The following SND1 variants were observed in gnomAD, a reference collection of about 807,000 sequenced individuals.
SND1 encodes staphylococcal nuclease and tudor domain containing 1, also known as staphylococcal nuclease domain-containing protein 1.
SND1 carries 38 observed loss-of-function variants against 121.7 expected under a neutral mutation model. The ratio of observed to expected loss-of-function variants is 0.31; its 90% CI spans 0.24 to 0.41. SND1 has a LOEUF of 0.41. Among genes scored for constraint, SND1 ranks in the 10% least tolerant of loss-of-function variants. The pLI is 1.00. For synonymous variants in SND1, 401 were observed against 447.4 expected (o/e 0.90, Z 1.31); for missense variants, 868 against 1,184.6 (o/e 0.73, Z 3.92).
chr7:127,706,825 C>CT (rs1486788034), intron 8 of SND1, among the ~76,000 whole-genome samples: 5 of 152,284 alleles, frequency 3.3e-5, no homozygotes, highest in Non-Finnish European at 5.9e-5. Flanking sequence ...CTACATCCTG[C>CT]TTTGTGTTTT....
chr7:127,954,269 T>A (rs1276712325), intron 15 of SND1, among the ~76,000 whole-genome samples: 2 of 152,226 alleles, frequency 1.3e-5, no homozygotes, highest in Non-Finnish European at 2.9e-5. Context: ...GGGTTTTGTA[T>A]GGAGATGCTG....
At chr7:128,030,667 C>T (rs1161149483) in intron 16 of SND1, 7 of 1,524,744 alleles carry the variant, frequency 4.6e-6, no homozygotes, top group East Asian at 4.6e-5. Context: ...AATTCACCAT[C>T]GCCTGGGATT....
At chr7:127,736,655 C>T (rs1399648638) in intron 10 of SND1, among the ~76,000 whole-genome samples, 2 of 152,174 alleles carry the variant, frequency 1.3e-5, no homozygotes, top group Non-Finnish European at 2.9e-5. Context: ...ATATTTAGTC[C>T]TGCTGGCAGT....
intron 10 of SND1, among the ~76,000 whole-genome samples, chr7:127,771,635 C>T (rs1302556388): frequency 2.6e-5 from 4 of 151,998 alleles, no homozygotes; most frequent in African/African-American, 9.7e-5. Context: ...TTAAAAAGCA[C>T]CCCCCTATAC....
At chr7:127,952,590 T>C (rs4731387) in intron 15 of SND1, among the ~76,000 whole-genome samples, 122,481 of 147,740 alleles carry the variant, frequency 0.83, 50,148 homozygotes, top group African/African-American at 0.91. Flanking sequence ...GTAGATCCGT[T>C]AGCCACTGAG....
chr7:127,710,145 G>T (rs557340159), intron 9 of SND1, among the ~76,000 whole-genome samples: 1 of 152,162 alleles, frequency 6.6e-6, no homozygotes, highest in South Asian at 2.1e-4. Flanking sequence ...ATATATCGTG[G>T]CATGTGAAAA....
chr7:127,868,139 C>T (rs1323360388), intron 12 of SND1, among the ~76,000 whole-genome samples: 1 of 152,168 alleles, frequency 6.6e-6, no homozygotes, highest in Non-Finnish European at 1.5e-5. Context: ...CGCCTGTAAT[C>T]CCAGCACTTT....
intron 12 of SND1, among the ~76,000 whole-genome samples, chr7:127,845,833 A>T (rs1167884145): frequency 6.6e-6 from 1 of 152,234 alleles, no homozygotes; most frequent in East Asian, 1.9e-4. Context: ...AAGAATATTT[A>T]AAAAATAAGT....
In SND1 at chr7:127,691,622, GT is replaced by G. The variant is rs554366788; in HGVS notation, c.229-3203del. On this transcript the variant is annotated intron_variant, in intron 2 of 23. Transcript: ENST00000354725. ...AATAAATATTTTGCTGTTTTTGTTT[GT>G]TTGTTTTTAGATGGAGCCTCGCTTT... Among the ~76,000 whole-genome samples, 381 of 151,920 alleles carry G rather than the reference GT, an allele frequency of 2.5e-3. 2 individuals are homozygous for G. The highest frequency in any genetic ancestry group is 8.8e-3 in the African/African-American group (365 of 41,490).
At chr7:128,081,593 A>G in intron 18 of SND1, 92 bp downstream of exon 18, 1 of 1,486,072 alleles carries the variant, frequency 6.7e-7, no homozygotes, top group Non-Finnish European at 9.2e-7. Context: ...GGTGGGAGGA[A>G]CAATGCCTAG....
chr7:128,071,769 A>T (rs1460101011), intron 16 of SND1, among the ~76,000 whole-genome samples: 1 of 152,164 alleles, frequency 6.6e-6, no homozygotes, highest in Non-Finnish European at 1.5e-5. Flanking sequence ...CCTTTGTTTG[A>T]TTGAGAAATT....
In SND1 at chr7:127,815,119, G is replaced by A. The variant is rs573151108; in HGVS notation, c.1242+7546G>A. Among the ~76,000 whole-genome samples, 19 of 152,250 alleles carry A rather than the reference G, an allele frequency of 1.2e-4. No individual in the cohort carries two copies. The South Asian group carries it at 2.7e-3, about 22-fold the overall frequency. On this transcript the variant is annotated intron_variant, in intron 11 of 23. Transcript: ENST00000354725. ...AAAGTGTAACAGTTCTATCCCATGA[G>A]TATTGCTAGCTTGGACAGTCCTTCC...
At chr7:127,660,025 T>C (rs1047798010) in intron 1 of SND1, among the ~76,000 whole-genome samples, 31 of 116,104 alleles carry the variant, frequency 2.7e-4, no homozygotes, top group African/African-American at 7.8e-4. Context: ...TTTTTTTTTT[T>C]CTAATCTTTA....
chr7:128,017,234 G>A (rs777911926), intron 16 of SND1, among the ~76,000 whole-genome samples: 1 of 152,114 alleles, frequency 6.6e-6, no homozygotes, highest in Non-Finnish European at 1.5e-5. Context: ...TTAGGGTAGG[G>A]AGGTTCTTCC....
At chr7:127,745,178 A>G (rs1398597268) in intron 10 of SND1, among the ~76,000 whole-genome samples, 1 of 152,148 alleles carries the variant, frequency 6.6e-6, no homozygotes, top group Non-Finnish European at 1.5e-5. Flanking sequence ...CATAGTGCAT[A>G]CTCACACAAA....
intron 14 of SND1, among the ~76,000 whole-genome samples, chr7:127,915,357 A>G (rs903750968): frequency 6.6e-6 from 1 of 152,176 alleles, no homozygotes; most frequent in African/African-American, 2.4e-5. Flanking sequence ...TATCATCCTC[A>G]GTAATATTTA....
intron 16 of SND1, among the ~76,000 whole-genome samples, chr7:128,012,079 CTAGT>C (rs2116949497): frequency 6.6e-6 from 1 of 152,252 alleles, no homozygotes; most frequent in African/African-American, 2.4e-5. Context: ...TTGAGAACCA[CTAGT>C]TAGTTTAGGG....
At chr7:127,945,136 CT>C (rs1319826762) in intron 15 of SND1, among the ~76,000 whole-genome samples, 1 of 152,196 alleles carries the variant, frequency 6.6e-6, no homozygotes, top group Non-Finnish European at 1.5e-5. Context: ...TCAGCACTCA[CT>C]AGAAAGTTCT....
intron 14 of SND1, among the ~76,000 whole-genome samples, chr7:127,915,467 G>C (rs1248481860): frequency 5.3e-5 from 8 of 152,014 alleles, no homozygotes; most frequent in African/African-American, 1.9e-4. Flanking sequence ...TTTAACATAT[G>C]CCATCTCTGT....
Sources: allele counts gnomAD v4.1 joint callset (sites outside exome capture counted in the v4.1 genomes callset), GRCh38; gene constraint gnomAD v4.1.1; transcripts MANE v1.5; gene names NCBI Gene and HGNC (gene_info 2026-07-23, HGNC 2026-07-21).